DDX56: variants seen among roughly 807,000 people sequenced by gnomAD.
The protein encoded by DDX56 is probable ATP-dependent RNA helicase DDX56.
Under a neutral mutation model 61.5 loss-of-function variants are expected in DDX56, and 45 were observed. The ratio of observed to expected loss-of-function variants is 0.73; its 90% CI spans 0.58 to 0.94. DDX56 has a LOEUF of 0.94. DDX56 is among the 40% of genes least tolerant of loss of function. The pLI is 0.00. For synonymous variants in DDX56, 273 were observed against 268.3 expected, an observed-to-expected ratio of 1.02 and a Z score of -0.17; for missense variants, 708 against 690.7, an observed-to-expected ratio of 1.02 and a Z score of -0.28.
In DDX56 at chr7:44,573,710, A is replaced by C; in HGVS notation, c.95T>G (p.Leu32Arg). 2.5e-6 allele frequency: 4 copies of C among 1,613,662 alleles called. No homozygotes were observed. Among genetic ancestry groups the C allele is most frequent in the Non-Finnish European group, 2.5e-6 (3 of 1,179,984 alleles). Reference sequence around the variant, plus strand: ...CAGTGGGATGGCCTTCTCCTGGATCAGCGTAGGTCGCGACCAGCCCAGATC... The same window carrying C: ...CAGTGGGATGGCCTTCTCCTGGATCCGCGTAGGTCGCGACCAGCCCAGATC... ...VTDLGWSRPT[L>R]IQEKAIPLAL... Residue 32 changes from leucine to arginine, a missense_variant, in exon 2 of 14, where the codon CTG (leucine) becomes CGG (arginine). Leu to Arg is a moderately radical substitution (Grantham distance 102). Coordinates refer to ENST00000258772, the MANE Select transcript of DDX56 (RefSeq NM_019082.4).
In DDX56 at chr7:44,572,580, AG is replaced by A; in HGVS notation, c.547del (p.Leu183SerfsTer28). 6.2e-7 allele frequency: 1 copy of A among 1,614,056 alleles called. No homozygotes were observed. The highest frequency in any genetic ancestry group is 8.5e-7 in the Non-Finnish European group (1 of 1,180,012). ...SFGFEEELKS[L>X]LCHLPRIYQA... ...ACACCCACCTCTGCCTTACCAGAGGAGACTCTTGAGCTCTTCTTCAAAGCCA... is the reference window on the plus strand; with the variant it reads ...ACACCCACCTCTGCCTTACCAGAGGAACTCTTGAGCTCTTCTTCAAAGCCA... On this transcript the variant is annotated frameshift_variant, in exon 4 of 14. Coordinates refer to ENST00000258772, the MANE Select transcript of DDX56 (RefSeq NM_019082.4). LOFTEE classifies it high-confidence loss of function.
intron 1 of DDX56, 24 bp from the exon 2 acceptor site, chr7:44,573,768 A>C: frequency 6.2e-7 from 1 of 1,613,466 alleles, no homozygotes; most frequent in Non-Finnish European, 8.5e-7. Flanking sequence ...AGTGCGGTTT[A>C]AGCGGCGTGA....
At chr7:44,568,362 C>T (rs918691252) in intron 11 of DDX56, 139 bp from the exon 12 acceptor site, 13 of 632,496 alleles carry the variant, frequency 2.1e-5, no homozygotes, top group East Asian at 2.8e-5. Flanking sequence ...CAGAACCTCC[C>T]GGGAGTGGAT....
intron 12 of DDX56, among the ~76,000 whole-genome samples, chr7:44,566,735 T>C (rs1169876223): frequency 2.0e-5 from 3 of 152,164 alleles, no homozygotes; most frequent in Non-Finnish European, 1.5e-5. Flanking sequence ...TTAGATTTGT[T>C]ACAACAAACA....
chr7:44,571,664 T>G lies in DDX56; in HGVS notation c.718A>C (p.Thr240Pro). Residue 240 changes from threonine to proline, a missense_variant, in exon 6 of 14, where the codon ACT becomes CCT. By Grantham distance (38) the Thr-to-Pro change is conservative. Coordinates refer to ENST00000258772, the MANE Select transcript of DDX56 (RefSeq NM_019082.4). ...AGCAGGAGGAATTTGTCTTCCTCAGTCTCACAGACCACCTGAAACTGCTGT... is the reference window on the plus strand; with the variant it reads ...AGCAGGAGGAATTTGTCTTCCTCAGGCTCACAGACCACCTGAAACTGCTGT... Reference protein sequence around the residue: ...QLQQFQVVCETEEDKFLLLYA... With the variant: ...QLQQFQVVCEPEEDKFLLLYA... The G allele has an allele frequency of 6.2e-7, 1 of 1,614,116 alleles. No homozygotes were observed. Among genetic ancestry groups the G allele is most frequent in the Non-Finnish European group, 8.5e-7 (1 of 1,180,040 alleles).
In DDX56 at chr7:44,573,049, G is replaced by T; in HGVS notation, c.224C>A (p.Thr75Lys). 1 of 1,568,060 alleles carries T rather than the reference G, an allele frequency of 6.4e-7. No individual in the cohort carries two copies. The highest frequency in any genetic ancestry group is 8.6e-7 in the Non-Finnish European group (1 of 1,158,610). The stretch of plus-strand genomic sequence containing the variant: ...CACTGCCTGTTCTACCACCGGACCT[G>T]TCTGTAAGAATATGAATTAAAGACT... ...MLQLLLHRKA[T>K]GPVVEQAVRG... is the part of the protein sequence containing the mutation. Residue 75 changes from threonine (T) to lysine (K), a missense_variant and splice_region_variant, in exon 3 of 14, where the codon ACA (threonine) becomes AAA (lysine). Physicochemically the swap from Thr to Lys is moderately conservative, Grantham distance 78 (BLOSUM62 -1). Coordinates refer to ENST00000258772, the MANE Select transcript of DDX56 (RefSeq NM_019082.4).
Position 44,568,183 on chromosome 7 carries a change from C to T in DDX56, c.1424G>A (p.Arg475Gln), listed in dbSNP as rs188954038. The T allele has an allele frequency of 1.8e-4, 296 of 1,613,956 alleles. 1 individual carries two copies. The Admixed American group carries it at 4.6e-3, about 25-fold the overall frequency. ...TGCGGGGTGCAAAGGTAGGTCATGC[C>T]GCAGCAGCTGGAGGTCCCTAGGGTT... ...EDNPRDLQLLRHDLPLHPAVV... is the reference protein window; with the variant it reads ...EDNPRDLQLLQHDLPLHPAVV... The change falls in exon 12 of 14, where the codon CGG (arginine) becomes CAG (glutamine). Residue 475 changes from arginine (R) to glutamine (Q), a missense_variant. Arg to Gln is a conservative substitution (Grantham distance 43, BLOSUM62 1). Transcript: ENST00000258772.
intron 12 of DDX56, 194 bp downstream of exon 12, chr7:44,567,923 CT>C: frequency 1.6e-6 from 1 of 611,268 alleles, no homozygotes. Context: ...ACAGCAACAG[CT>C]AACCCGTGGG....
rs775066678 is a variant in DDX56, at chr7:44,571,498, C to T, written c.884G>A (p.Arg295His). The change falls in exon 6 of 14, where the codon CGC (arginine) becomes CAC (histidine). Residue 295 changes from arginine (R) to histidine (H), a missense_variant. Physicochemically the swap from Arg to His is conservative, Grantham distance 29. Transcript: ENST00000258772. ...GATGTTGGCTGTGGCAGACCTGGAG[C>T]GCAGTGGAAGCTCTCCATTGAGCAC... ...TCVLNGELPL[R>H]SRCHIISQFN... 8.7e-6 allele frequency: 14 copies of T among 1,613,792 alleles called. 1 individual carries two copies. Among genetic ancestry groups the T allele is most frequent in the South Asian group, 5.5e-5 (5 of 91,078 alleles).
chr7:44,573,764 G>A lies in DDX56; in HGVS notation c.61-20C>T, dbSNP rs1384809628. On this transcript the variant is annotated intron_variant, in intron 1 of 13. Coordinates refer to ENST00000258772, the MANE Select transcript of DDX56 (RefSeq NM_019082.4). ...GACAGCCTAGGAGACCAGGAGTGCG[G>A]TTTAAGCGGCGTGAAGAGCGATGGC... The A allele has an allele frequency of 1.2e-6, 2 of 1,613,512 alleles. No individual in the cohort carries two copies. The highest frequency in any genetic ancestry group is 1.1e-5 in the South Asian group (1 of 91,086).
At chr7:44,573,521 A>C (rs1435829243) in intron 2 of DDX56, 62 bp downstream of exon 2, 1 of 1,582,350 alleles carries the variant, frequency 6.3e-7, no homozygotes, top group East Asian at 2.3e-5. Flanking sequence ...ACAAACGGGA[A>C]CCGCCCTTCC....
chr7:44,573,657 G>T lies in DDX56; in HGVS notation c.148C>A (p.Arg50=). The T allele has an allele frequency of 6.2e-7, 1 of 1,613,782 alleles. No individual in the cohort carries two copies. Among genetic ancestry groups the T allele is most frequent in the Non-Finnish European group, 8.5e-7 (1 of 1,180,032 alleles). The change falls in exon 2 of 14, where the codon CGG becomes AGG. Residue 50 remains arginine, a synonymous_variant. Coordinates refer to ENST00000258772, the MANE Select transcript of DDX56 (RefSeq NM_019082.4). ...LALEGKDLLA[R]ARTGSGKTAA... Reference sequence around the variant, plus strand: ...GTCTTCCCGGAGCCCGTGCGGGCCCGAGCCAGGAGGTCCTTCCCTTCTAGG... The same window carrying T: ...GTCTTCCCGGAGCCCGTGCGGGCCCTAGCCAGGAGGTCCTTCCCTTCTAGG...
rs1213701918 is a variant in DDX56 at position 44,572,358 on chromosome 7, A to G, written c.634T>C (p.Leu212=). 1.2e-6 allele frequency: 2 copies of G among 1,613,824 alleles called. No homozygotes were observed. Among genetic ancestry groups the G allele is most frequent in the African/African-American group, 1.3e-5 (1 of 74,920 alleles). The change falls in exon 5 of 14, where the codon TTA becomes CTA. Residue 212 remains leucine, a synonymous_variant. Coordinates refer to ENST00000258772, the MANE Select transcript of DDX56 (RefSeq NM_019082.4). Reference sequence around the variant, plus strand: ...ATGGTGCCTCTTACCGGGTTATGTAATATCAGCTCCTTGAGTGCTTGTACG... The same window carrying G: ...ATGGTGCCTCTTACCGGGTTATGTAGTATCAGCTCCTTGAGTGCTTGTACG... ...EDVQALKELI[L]HNPVTLKLQE...
chr7:44,566,248 AG>A (rs1802532311), intron 13 of DDX56, 169 bp from the exon 14 acceptor site: 6 of 692,328 alleles, frequency 8.7e-6, no homozygotes, highest in Non-Finnish European at 1.0e-5. Flanking sequence ...GGGAAAGAAA[AG>A]CAGGGCCTGC....
In DDX56 at chr7:44,573,760, T is replaced by C. The variant is rs1802743130; in HGVS notation, c.61-16A>G. 5.0e-6 allele frequency: 8 copies of C among 1,612,688 alleles called. No individual in the cohort carries two copies. The highest frequency in any genetic ancestry group is 6.8e-6 in the Non-Finnish European group (8 of 1,179,820). On this transcript the variant is annotated splice_polypyrimidine_tract_variant and intron_variant, in intron 1 of 13. Transcript: ENST00000258772. Reference sequence around the variant, plus strand: ...CGGTGACAGCCTAGGAGACCAGGAGTGCGGTTTAAGCGGCGTGAAGAGCGA... The same window carrying C: ...CGGTGACAGCCTAGGAGACCAGGAGCGCGGTTTAAGCGGCGTGAAGAGCGA...
intron 9 of DDX56, among the ~76,000 whole-genome samples, 190 bp from the exon 10 acceptor site, chr7:44,569,393 TG>T (rs899727795): frequency 6.6e-6 from 1 of 152,186 alleles, no homozygotes; most frequent in African/African-American, 2.4e-5. Flanking sequence ...CGTGTGTGGA[TG>T]GGGGTGGCCT....
In DDX56 at chr7:44,572,455, A is replaced by C. The variant is rs1237137760; in HGVS notation, c.555-18T>G. 3.7e-6 allele frequency: 6 copies of C among 1,613,900 alleles called. No individual in the cohort carries two copies. The South Asian group carries it at 6.6e-5, about 18-fold the overall frequency. ...GCAAGTGACTGAAATGAAAGAATCC[A>C]ATCAGATTCCAGCTCCAAGGGCCGC... On this transcript the variant is annotated intron_variant, in intron 4 of 13. Transcript: ENST00000258772.
At chr7:44,570,979 T>C in intron 6 of DDX56, 102 bp from the exon 7 acceptor site, 1 of 1,371,644 alleles carries the variant, frequency 7.3e-7, no homozygotes, top group East Asian at 2.4e-5. Context: ...CTTTTTCCTC[T>C]TCTTAATCTC....
At chr7:44,569,261 A>G in intron 9 of DDX56, 58 bp from the exon 10 acceptor site, 5 of 1,517,556 alleles carry the variant, frequency 3.3e-6, no homozygotes, top group Admixed American at 1.7e-5. Context: ...TAGGGTCTTC[A>G]TTGGAGGCCT....
Sources: allele counts gnomAD v4.1 joint callset (sites outside exome capture counted in the v4.1 genomes callset), GRCh38; gene constraint gnomAD v4.1.1; transcripts MANE v1.5; gene names NCBI Gene and HGNC (gene_info 2026-07-23, HGNC 2026-07-21).